The following GSE1 variants were observed in gnomAD, a reference collection of about 807,000 sequenced individuals.
GSE1 encodes genetic suppressor element 1.
Under a neutral mutation model 112.6 loss-of-function variants are expected in GSE1, and 32 were observed. The observed-to-expected ratio is 0.28, with a 90% confidence interval of 0.21 to 0.38. The LOEUF (loss-of-function observed/expected upper bound fraction) is 0.38. Ranked by LOEUF, GSE1 falls within the 10% of genes least tolerant of loss-of-function variation. The probability of loss-of-function intolerance (pLI) is 1.00; values close to 1 mark genes in which losing one functional copy is unlikely to be tolerated. For missense variants in GSE1, 2,348 were observed against 1,699.2 expected (o/e 1.38, Z -6.71); for synonymous variants, 1,115 against 735.6 (o/e 1.52, Z -8.35).
At chr16:85,286,269 C>T (rs573235993) in intron 1 of GSE1, among the ~76,000 whole-genome samples, 3 of 152,340 alleles carry the variant, frequency 2.0e-5, no homozygotes, top group South Asian at 4.1e-4. Context: ...GGCCCACGGG[C>T]TGGCAGAGGC....
rs561019744 is a variant in GSE1 at position 85,345,254 on chromosome 16, A to G, written c.2284-12209A>G. Reference sequence around the variant, plus strand: ...GAACAGTATTTCACCACAGATAAAAATTATATGAAATTCAAATTTTAGTGT... The same window carrying G: ...GAACAGTATTTCACCACAGATAAAAGTTATATGAAATTCAAATTTTAGTGT... On this transcript the variant is annotated intron_variant, in intron 1 of 2. Transcript: ENST00000637419. 1.1e-4 allele frequency among the ~76,000 whole-genome samples: 16 copies of G among 152,372 alleles called. No individual in the cohort carries two copies. In the South Asian group the frequency reaches 3.3e-3, roughly 32 times the overall value.
At chr16:85,170,278 G>A (rs1040211573) in exon 1 of GSE1, 41 of 985,570 alleles carry the variant, frequency 4.2e-5, no homozygotes, top group Non-Finnish European at 4.8e-5. Flanking sequence ...CAAGTCCGGG[G>A]TTAGGCGCCG....
rs1265722738 is a variant in GSE1, at chr16:85,208,470, C to G, written c.2283+36663C>G. Reference sequence around the variant, plus strand: ...CCCTTCCCTGACGCTTTGCCTGACGCTGGCCTCCTGCTGCCTCAGCTCCTG... The same window carrying G: ...CCCTTCCCTGACGCTTTGCCTGACGGTGGCCTCCTGCTGCCTCAGCTCCTG... On this transcript the variant is annotated intron_variant, in intron 1 of 2. Coordinates refer to the GSE1 transcript ENST00000637419. Among the ~76,000 whole-genome samples, 3 of 152,220 alleles carry G rather than the reference C, an allele frequency of 2.0e-5. No individual in the cohort carries two copies. The South Asian group carries it at 6.2e-4, about 32-fold the overall frequency.
At chr16:85,502,324 G>A (rs372397910) in intron 2 of GSE1, among the ~76,000 whole-genome samples, 278 of 152,078 alleles carry the variant, frequency 1.8e-3, no homozygotes, top group African/African-American at 6.2e-3. Context: ...GGGTAGCGCC[G>A]TGGGTAGCGC....
chr16:85,630,344 A>G (rs2049438532), intron 1 of GSE1, among the ~76,000 whole-genome samples: 1 of 152,214 alleles, frequency 6.6e-6, no homozygotes, highest in African/African-American at 2.4e-5. Context: ...TGAAGACTTT[A>G]TAGACATTCT....
At chr16:85,558,847 C>T (rs1401375166) in intron 1 of GSE1, among the ~76,000 whole-genome samples, 8 of 152,018 alleles carry the variant, frequency 5.3e-5, no homozygotes, top group Admixed American at 5.2e-4. Context: ...GTGATGGAAA[C>T]GGCAGTGGCC....
At chr16:85,463,511 G>C (rs2050036530) in intron 2 of GSE1, among the ~76,000 whole-genome samples, 1 of 152,186 alleles carries the variant, frequency 6.6e-6, no homozygotes, top group Non-Finnish European at 1.5e-5. Flanking sequence ...GTCCAACCCT[G>C]GCAGGGCCCC....
chr16:85,615,495 GGTTTTGACGCTTGGA>G (rs1272960406), intron 1 of GSE1, among the ~76,000 whole-genome samples: 2 of 151,692 alleles, frequency 1.3e-5, no homozygotes, highest in African/African-American at 4.9e-5. Flanking sequence ...AGCCAACCAC[GGTTTTGACGCTTGGA>G]GTTTTCTTTC....
chr16:85,275,285 C>G (rs1909245720), intron 1 of GSE1, among the ~76,000 whole-genome samples: 1 of 152,222 alleles, frequency 6.6e-6, no homozygotes, highest in Non-Finnish European at 1.5e-5. Context: ...GCCCCCGTTC[C>G]TCCACACCGA....
intron 1 of GSE1, 151 bp downstream of exon 1, chr16:85,613,549 C>G (rs2048142662): frequency 1.3e-6 from 1 of 772,560 alleles, no homozygotes; most frequent in South Asian, 1.9e-5. Context: ...GCCGGGAGGG[C>G]GGGCAGGCGA....
chr16:85,354,876 C>G (rs2046919977), intron 1 of GSE1, among the ~76,000 whole-genome samples: 1 of 152,364 alleles, frequency 6.6e-6, no homozygotes, highest in African/African-American at 2.4e-5. Context: ...GCAGGAGTAG[C>G]TCAGTCCCCA....
At chr16:85,468,981 G>A (rs886990214) in intron 2 of GSE1, among the ~76,000 whole-genome samples, 4 of 152,214 alleles carry the variant, frequency 2.6e-5, no homozygotes, top group East Asian at 1.9e-4. Context: ...GAGGCTGGGC[G>A]TGGTGGCTTA....
intron 2 of GSE1, among the ~76,000 whole-genome samples, chr16:85,470,729 C>G (rs2050267645): frequency 6.6e-6 from 1 of 152,134 alleles, no homozygotes; most frequent in South Asian, 2.1e-4. Flanking sequence ...GAGAGCCAGC[C>G]CCCGCCCCCT....
At chr16:85,191,344 G>A (rs558139887) in intron 1 of GSE1, among the ~76,000 whole-genome samples, 74 of 152,238 alleles carry the variant, frequency 4.9e-4, no homozygotes, top group Middle Eastern at 3.4e-3. Context: ...CCTTTAAAGT[G>A]TACAATTCAA....
At chr16:85,542,267 A>T (rs2151210228) in intron 2 of GSE1, among the ~76,000 whole-genome samples, 1 of 152,136 alleles carries the variant, frequency 6.6e-6, no homozygotes, top group South Asian at 2.1e-4. Context: ...CTCTTTGGAA[A>T]CCCGTTCTGT....
intron 1 of GSE1, among the ~76,000 whole-genome samples, chr16:85,304,814 A>G (rs1435661000): frequency 1.3e-5 from 2 of 152,180 alleles, no homozygotes; most frequent in East Asian, 3.8e-4. Flanking sequence ...GAATGACTCA[A>G]TGTCCCCCTC....
At chr16:85,586,420 C>G (rs1260954624) in intron 1 of GSE1, among the ~76,000 whole-genome samples, 1 of 152,204 alleles carries the variant, frequency 6.6e-6, no homozygotes, top group African/African-American at 2.4e-5. Flanking sequence ...CTCCTCCAGC[C>G]CCATCTCTCT....
rs1356520849 is a variant in GSE1 at position 85,355,215 on chromosome 16, A to T, written c.2284-2248A>T. Among the ~76,000 whole-genome samples, 3 of 151,940 alleles carry T rather than the reference A, an allele frequency of 2.0e-5. No individual in the cohort carries two copies. In the East Asian group the frequency reaches 5.8e-4, roughly 29 times the overall value. On this transcript the variant is annotated intron_variant, in intron 1 of 2. Transcript: ENST00000637419. Reference sequence around the variant, plus strand: ...TAGGCACTTGGGTTTTATAGCACTAATCCCTAAAAGAAAAAAAAAACAAAA... The same window carrying T: ...TAGGCACTTGGGTTTTATAGCACTATTCCCTAAAAGAAAAAAAAAACAAAA...
chr16:85,490,370 T>A (rs1316163797), intron 2 of GSE1: 1 of 152,194 alleles, frequency 6.6e-6, no homozygotes, highest in South Asian at 2.1e-4. Context: ...GGCCTTCGTC[T>A]CCTCATGTGT....
Sources: allele counts gnomAD v4.1 joint callset (sites outside exome capture counted in the v4.1 genomes callset), GRCh38; gene constraint gnomAD v4.1.1; transcripts MANE v1.5; gene names NCBI Gene and HGNC (gene_info 2026-07-23, HGNC 2026-07-21).